The following SLC8A1 variants were observed in gnomAD, a reference collection of about 807,000 sequenced individuals.
SLC8A1 encodes the protein sodium/calcium exchanger 1.
Under a neutral mutation model 68.3 loss-of-function variants are expected in SLC8A1, and 18 were observed. That is an observed-to-expected ratio of 0.26 (90% confidence interval 0.18 to 0.39). The LOEUF (loss-of-function observed/expected upper bound fraction) is 0.39, where lower values mean the gene tolerates loss of function less well. Ranked by LOEUF, SLC8A1 falls within the 10% of genes least tolerant of loss-of-function variation. The pLI is 1.00. For missense variants in SLC8A1, 985 were observed against 1,156.7 expected, an observed-to-expected ratio of 0.85 and a Z score of 2.15; for synonymous variants, 475 against 415.5, an observed-to-expected ratio of 1.14 and a Z score of -1.74.
At chr2:40,478,509 C>T (rs1704430723) in intron 1 of SLC8A1, among the ~76,000 whole-genome samples, 1 of 152,116 alleles carries the variant, frequency 6.6e-6, no homozygotes, top group Admixed American at 6.5e-5. Flanking sequence ...GTTAGCTAGT[C>T]AAATGTGCTG....
At chr2:40,291,831 C>G (rs1361787623) in intron 2 of SLC8A1, among the ~76,000 whole-genome samples, 3 of 151,722 alleles carry the variant, frequency 2.0e-5, no homozygotes, top group African/African-American at 7.3e-5. Flanking sequence ...AATGGATGTA[C>G]TCTTAAATTT....
intron 5 of SLC8A1, among the ~76,000 whole-genome samples, chr2:40,164,302 T>C (rs2046188253): frequency 6.6e-6 from 1 of 152,236 alleles, no homozygotes; most frequent in African/African-American, 2.4e-5. Flanking sequence ...TCAGCTCAAC[T>C]GTAAACTCCG....
At chr2:40,188,052 G>A (rs1317604519) in intron 2 of SLC8A1, among the ~76,000 whole-genome samples, 1 of 152,038 alleles carries the variant, frequency 6.6e-6, no homozygotes, top group Non-Finnish European at 1.5e-5. Flanking sequence ...AAATTAAAGT[G>A]GATCAAGCAT....
At chr2:40,361,643 A>G (rs1363926078) in intron 2 of SLC8A1, among the ~76,000 whole-genome samples, 1 of 152,016 alleles carries the variant, frequency 6.6e-6, no homozygotes, top group Non-Finnish European at 1.5e-5. Flanking sequence ...CTGCCTATAA[A>G]CTAAGAGCAG....
intron 2 of SLC8A1, among the ~76,000 whole-genome samples, chr2:40,230,808 C>A (rs1412471043): frequency 6.6e-6 from 1 of 152,170 alleles, no homozygotes; most frequent in Non-Finnish European, 1.5e-5. Context: ...GTTCTGTTCA[C>A]TCTACATTTA....
chr2:40,106,843 A>G (rs897578761), exon 8 of SLC8A1: 53 of 152,212 alleles, frequency 3.5e-4, no homozygotes, highest in African/African-American at 1.2e-3. Context: ...GGGCTCCAGT[A>G]TGTAATGCAG....
chr2:40,156,774 C>CTT (rs1351937373), intron 6 of SLC8A1, among the ~76,000 whole-genome samples: 2 of 151,978 alleles, frequency 1.3e-5, no homozygotes, highest in Non-Finnish European at 1.5e-5. Flanking sequence ...TTTTGTGTAT[C>CTT]TTTGTCTTTG....
chr2:40,230,048 G>C (rs192911604), intron 2 of SLC8A1, among the ~76,000 whole-genome samples: 3 of 152,044 alleles, frequency 2.0e-5, no homozygotes, highest in Non-Finnish European at 2.9e-5. Flanking sequence ...AGAACTGATT[G>C]GTTACAAGTT....
intron 2 of SLC8A1, among the ~76,000 whole-genome samples, chr2:40,331,056 G>C (rs2076356349): frequency 6.6e-6 from 1 of 152,190 alleles, no homozygotes; most frequent in African/African-American, 2.4e-5. Flanking sequence ...AGGAGCATCA[G>C]CTTTGCAGGC....
chr2:40,442,267 AAAAAAAG>A (rs1173310474), intron 1 of SLC8A1, among the ~76,000 whole-genome samples: 1 of 151,258 alleles, frequency 6.6e-6, no homozygotes, highest in Non-Finnish European at 1.5e-5. Context: ...ATAATTCAAA[AAAAAAAG>A]AAAAAAGAAA....
intron 2 of SLC8A1, among the ~76,000 whole-genome samples, chr2:40,218,173 G>A (rs1238122402): frequency 1.3e-5 from 2 of 152,112 alleles, no homozygotes; most frequent in African/African-American, 4.8e-5. Flanking sequence ...TTAGATCTAA[G>A]TTACACTTTA....
At chr2:40,174,252 A>G (rs759747154) in intron 4 of SLC8A1, among the ~76,000 whole-genome samples, 1 of 152,028 alleles carries the variant, frequency 6.6e-6, no homozygotes, top group Non-Finnish European at 1.5e-5. Flanking sequence ...ATTAAAATTT[A>G]TGTGTTAAAG....
chr2:40,411,375 A>G lies in SLC8A1; in HGVS notation c.1808+17098T>C, dbSNP rs189345642. 1.9e-4 allele frequency among the ~76,000 whole-genome samples: 29 copies of G among 152,220 alleles called. No individual in the cohort carries two copies. In the East Asian group the frequency reaches 5.4e-3, roughly 28 times the overall value. On this transcript the variant is annotated intron_variant, in intron 2 of 7. Transcript: ENST00000406785. ...TAACAACCAGTCTCATCAGAAAATT[A>G]CACATGCCCATTAGGAATGTAAATT...
exon 8 of SLC8A1, chr2:40,115,040 G>A: frequency 3.3e-6 from 1 of 298,812 alleles, no homozygotes; most frequent in Non-Finnish European, 6.0e-6. Context: ...CTGCAAAGAT[G>A]GCCCTGCCTC....
chr2:40,114,450 T>C (rs1239399996), exon 8 of SLC8A1: 1 of 152,880 alleles, frequency 6.5e-6, no homozygotes. Flanking sequence ...TTAGCTGGGC[T>C]GAATGCTGGA....
At chr2:40,254,009 T>G (rs1395107249) in intron 2 of SLC8A1, among the ~76,000 whole-genome samples, 1 of 151,280 alleles carries the variant, frequency 6.6e-6, no homozygotes, top group African/African-American at 2.4e-5. Flanking sequence ...TCAAAATAGC[T>G]AGAAGAAAAC....
At chr2:40,355,228 C>T (rs1225607093) in intron 2 of SLC8A1, among the ~76,000 whole-genome samples, 2 of 152,122 alleles carry the variant, frequency 1.3e-5, no homozygotes, top group Non-Finnish European at 2.9e-5. Flanking sequence ...AATGCTGATG[C>T]AGAGGGAAAA....
At chr2:40,353,904 T>C (rs963729004) in intron 2 of SLC8A1, among the ~76,000 whole-genome samples, 2 of 152,146 alleles carry the variant, frequency 1.3e-5, no homozygotes, top group African/African-American at 2.4e-5. Flanking sequence ...CTGTCTTCCT[T>C]GGAAAAGGAA....
chr2:40,218,709 G>C (rs2057863538), intron 2 of SLC8A1, among the ~76,000 whole-genome samples: 1 of 142,872 alleles, frequency 7.0e-6, no homozygotes, highest in Admixed American at 7.2e-5. Flanking sequence ...TATGAAAGAT[G>C]AAAACATTCT....
Sources: gnomAD v4.1 joint callset for allele counts (sites outside exome capture counted in the v4.1 genomes callset) on GRCh38, gnomAD v4.1.1 for gene constraint, MANE v1.5 for transcripts, NCBI Gene and HGNC (gene_info 2026-07-23, HGNC 2026-07-21) for gene names.